TRAPPC9: variants seen among roughly 807,000 people sequenced by gnomAD.
TRAPPC9 encodes the protein trafficking protein particle complex subunit 9.
In TRAPPC9, 83 loss-of-function variants were observed where a neutral mutation model predicts 124.0. That is an observed-to-expected ratio of 0.67 (90% CI 0.56 to 0.80). The LOEUF (loss-of-function observed/expected upper bound fraction) is 0.80. Ranked by LOEUF, TRAPPC9 falls within the 30% of genes least tolerant of loss-of-function variation. The pLI is 0.00. For synonymous variants in TRAPPC9, 638 were observed against 617.5 expected, an observed-to-expected ratio of 1.03 and a Z score of -0.49; for missense variants, 1,302 against 1,508.3, an observed-to-expected ratio of 0.86 and a Z score of 2.27.
chr8:140,332,853 C>T (rs1588164386), intron 9 of TRAPPC9, among the ~76,000 whole-genome samples: 1 of 152,012 alleles, frequency 6.6e-6, no homozygotes, highest in Non-Finnish European at 1.5e-5. Context: ...GGAATTAACC[C>T]GCCTGGGCAC....
chr8:139,777,077 G>T (rs1163123001), intron 21 of TRAPPC9, among the ~76,000 whole-genome samples: 2 of 152,138 alleles, frequency 1.3e-5, no homozygotes, highest in Non-Finnish European at 2.9e-5. Flanking sequence ...ATGGCCTCCT[G>T]CTCTGATCAT....
At chr8:140,026,811 A>G (rs765644292) in intron 17 of TRAPPC9, among the ~76,000 whole-genome samples, 7 of 152,176 alleles carry the variant, frequency 4.6e-5, no homozygotes, top group Non-Finnish European at 1.0e-4. Flanking sequence ...AAATATTACT[A>G]CTCGACAGCC....
intron 21 of TRAPPC9, among the ~76,000 whole-genome samples, chr8:139,847,183 C>G (rs1286621800): frequency 6.6e-6 from 1 of 152,186 alleles, no homozygotes; most frequent in African/African-American, 2.4e-5. Flanking sequence ...AATGCAGCAG[C>G]CTTCTAAAAC....
chr8:140,282,529 G>A (rs181344581), intron 14 of TRAPPC9, among the ~76,000 whole-genome samples: 52 of 149,236 alleles, frequency 3.5e-4, no homozygotes, highest in South Asian at 1.3e-3. Flanking sequence ...ATTGTGCCAC[G>A]GCACTCCAGC....
chr8:139,888,595 C>G (rs767889955), intron 20 of TRAPPC9, among the ~76,000 whole-genome samples: 1 of 152,140 alleles, frequency 6.6e-6, no homozygotes, highest in Admixed American at 6.5e-5. Flanking sequence ...TCTGTTGCCT[C>G]GAACTCCCTT....
At chr8:139,980,668 G>A (rs1022498331) in intron 19 of TRAPPC9, among the ~76,000 whole-genome samples, 9 of 152,204 alleles carry the variant, frequency 5.9e-5, no homozygotes, top group South Asian at 2.1e-4. Context: ...AGCACTCGGC[G>A]CACGGTGAGG....
At chr8:140,250,488 G>C (rs1321110563) in intron 16 of TRAPPC9, among the ~76,000 whole-genome samples, 5 of 152,106 alleles carry the variant, frequency 3.3e-5, no homozygotes, top group Non-Finnish European at 7.4e-5. Context: ...AGCTACAGGG[G>C]GTCGTCTCCC....
intron 9 of TRAPPC9, among the ~76,000 whole-genome samples, chr8:140,349,724 G>C (rs1288411303): frequency 1.3e-5 from 2 of 152,182 alleles, no homozygotes; most frequent in African/African-American, 4.8e-5. Context: ...CACCAGGCCT[G>C]GCGAAGTCAA....
intron 21 of TRAPPC9, among the ~76,000 whole-genome samples, chr8:139,820,243 C>T (rs1825166680): frequency 6.6e-6 from 1 of 151,932 alleles, no homozygotes; most frequent in African/African-American, 2.4e-5. Flanking sequence ...TGCGGTGGCA[C>T]CATCTCGGCT....
intron 17 of TRAPPC9, among the ~76,000 whole-genome samples, chr8:140,088,564 G>T (rs1844353777): frequency 1.3e-5 from 2 of 152,210 alleles, no homozygotes; most frequent in Admixed American, 6.5e-5. Context: ...ACTTGAAGGT[G>T]GGGTGGGAGA....
chr8:140,246,261 A>G (rs1273172883), intron 16 of TRAPPC9, among the ~76,000 whole-genome samples: 3 of 152,236 alleles, frequency 2.0e-5, no homozygotes, highest in African/African-American at 7.2e-5. Flanking sequence ...AAGTTTGACA[A>G]GATGGTCCAA....
In TRAPPC9 at chr8:139,825,281, C is replaced by T. The variant is rs1479348995; in HGVS notation, c.3055+60598G>A. Reference sequence around the variant, plus strand: ...CAGGGAACTAGCCACTCCTCTGGGACCTGCAGCCACACTGGGTCCCACTCT... The same window carrying T: ...CAGGGAACTAGCCACTCCTCTGGGATCTGCAGCCACACTGGGTCCCACTCT... On this transcript the variant is annotated intron_variant, in intron 21 of 22. Coordinates refer to ENST00000438773, the MANE Select transcript of TRAPPC9 (RefSeq NM_001160372.4). This position sits in a 1 kb window ranked among gnomAD's most constrained non-coding sequence, Gnocchi z 4.6. Among the ~76,000 whole-genome samples the T allele has an allele frequency of 6.6e-6, 1 of 152,132 alleles. No individual in the cohort carries two copies. The highest frequency in any genetic ancestry group is 6.5e-5 in the Admixed American group (1 of 15,284).
At chr8:140,049,029 GACCAA>G (rs1841805130) in intron 17 of TRAPPC9, among the ~76,000 whole-genome samples, 1 of 152,172 alleles carries the variant, frequency 6.6e-6, no homozygotes, top group South Asian at 2.1e-4. Context: ...GGTGGTTACA[GACCAA>G]ACCCAAGGCA....
At chr8:140,122,036 T>C (rs1461464752) in intron 17 of TRAPPC9, among the ~76,000 whole-genome samples, 1 of 151,734 alleles carries the variant, frequency 6.6e-6, no homozygotes, top group Non-Finnish European at 1.5e-5. Flanking sequence ...TCTCTCTCTC[T>C]CTCTCTCTCT....
rs150478146 is a variant in TRAPPC9 at position 140,122,706 on chromosome 8, C to A, written c.2557-98627G>T. 3.3e-5 allele frequency among the ~76,000 whole-genome samples: 5 copies of A among 152,212 alleles called. No individual in the cohort carries two copies. The South Asian group carries it at 1.0e-3, about 32-fold the overall frequency. Reference sequence around the variant, plus strand: ...CAAAGACTGGGTAATGAGTAGGGAGCGGCAGAGAGGAACAAAGCTGCCTCA... The same window carrying A: ...CAAAGACTGGGTAATGAGTAGGGAGAGGCAGAGAGGAACAAAGCTGCCTCA... On this transcript the variant is annotated intron_variant, in intron 17 of 22. Coordinates refer to ENST00000438773, the MANE Select transcript of TRAPPC9 (RefSeq NM_001160372.4).
rs138376686 is a variant in TRAPPC9 at position 140,258,261 on chromosome 8, C to T, written c.2279-5332G>A. On this transcript the variant is annotated intron_variant, in intron 15 of 22. Coordinates refer to ENST00000438773, the MANE Select transcript of TRAPPC9 (RefSeq NM_001160372.4). ...GGCAGGTTCAAAAGAGGGAGGGTGA[C>T]CCTGTGCGACTAATTCTGGACTTGT... Among the ~76,000 whole-genome samples, 43 of 152,356 alleles carry T rather than the reference C, an allele frequency of 2.8e-4. 1 individual carries two copies. Among genetic ancestry groups the T allele is most frequent in the African/African-American group, 9.9e-4 (41 of 41,590 alleles).
intron 20 of TRAPPC9, among the ~76,000 whole-genome samples, chr8:139,892,573 T>C (rs553730571): frequency 1.3e-5 from 2 of 152,272 alleles, no homozygotes; most frequent in Admixed American, 6.5e-5. Flanking sequence ...CAGTCACGGG[T>C]AACACGCACC....
At position 140,374,091 on chromosome 8, in the gene TRAPPC9, C is replaced by T. The variant is rs542934795; in HGVS notation, c.1135-2911G>A. Among the ~76,000 whole-genome samples the T allele has an allele frequency of 2.6e-5, 4 of 152,264 alleles. No individual in the cohort carries two copies. The South Asian group carries it at 8.3e-4, about 32-fold the overall frequency. On this transcript the variant is annotated intron_variant, in intron 7 of 22. Transcript: ENST00000438773. ...TCCTCATCTGAGAAAAATCTTTGCCCGAGGTCACAAAGATATCCTATGTTT... is the reference window on the plus strand; with the variant it reads ...TCCTCATCTGAGAAAAATCTTTGCCTGAGGTCACAAAGATATCCTATGTTT...
intron 21 of TRAPPC9, among the ~76,000 whole-genome samples, chr8:139,750,441 T>C (rs1180549014): frequency 6.6e-6 from 1 of 152,176 alleles, no homozygotes. Flanking sequence ...GCCGCCCCTT[T>C]GTATTTATTG....
Sources: allele counts gnomAD v4.1 joint callset (sites outside exome capture counted in the v4.1 genomes callset), GRCh38; gene constraint gnomAD v4.1.1; non-coding constraint Gnocchi (gnomAD v3.1); transcripts MANE v1.5; gene names NCBI Gene and HGNC (gene_info 2026-07-23, HGNC 2026-07-21).